The following BMP7 variants were observed in gnomAD, a reference collection of about 807,000 sequenced individuals.
BMP7 encodes bone morphogenetic protein 7.
In BMP7, 12 loss-of-function variants were observed where a neutral mutation model predicts 41.2. The ratio of observed to expected loss-of-function variants is 0.29; its 90% CI spans 0.19 to 0.47. BMP7 has a LOEUF of 0.47. Ranked by LOEUF, BMP7 falls within the 20% of genes least tolerant of loss-of-function variation. The probability of loss-of-function intolerance (pLI) is 0.99; values close to 1 mark genes in which losing one functional copy is unlikely to be tolerated. For missense variants in BMP7, 467 were observed against 606.0 expected (o/e 0.77, Z 2.41); for synonymous variants, 248 against 250.0 (o/e 0.99, Z 0.07).
chr20:57,171,231 A>G lies in BMP7; in HGVS notation c.1147-123T>C. 7.2e-7 allele frequency: 1 copy of G among 1,380,866 alleles called. No homozygotes were observed. The highest frequency in any genetic ancestry group is 1.0e-6 in the Non-Finnish European group (1 of 988,350). The allele number at this position is 1,380,866 out of a possible 1,614,324, so 85.5% of individuals were successfully genotyped here. A position where few individuals can be genotyped will look rare whatever the true frequency, so the allele number is the denominator to read the frequency against. On this transcript the variant is annotated intron_variant, in intron 6 of 6. Transcript: ENST00000395863. The surrounding 1 kb of genome is among the most constrained non-coding windows in gnomAD (Gnocchi z 4.5). ...TGAATGACTGCAGGTGACACTCCCCAAGCCAAGCACTCCCTGTTCTAAGCA... is the reference window on the plus strand; with the variant it reads ...TGAATGACTGCAGGTGACACTCCCCGAGCCAAGCACTCCCTGTTCTAAGCA...
At chr20:57,210,209 G>A (rs975481137) in intron 2 of BMP7, among the ~76,000 whole-genome samples, 19 of 152,334 alleles carry the variant, frequency 1.2e-4, no homozygotes, top group East Asian at 3.9e-4. Context: ...ACTAAGAGGC[G>A]TTAATATTTA....
chr20:57,171,167 C>T lies in BMP7; in HGVS notation c.1147-59G>A. ...GAAGCGGTGAGTCGTTCTAACTGGC[C>T]TCCACGTTTCTATAAAGAAACATCC... On this transcript the variant is annotated intron_variant, in intron 6 of 6. Transcript: ENST00000395863. This position sits in a 1 kb window ranked among gnomAD's most constrained non-coding sequence, Gnocchi z 4.5. 1 of 1,608,224 alleles carries T rather than the reference C, an allele frequency of 6.2e-7. No individual in the cohort carries two copies. Among genetic ancestry groups the T allele is most frequent in the Non-Finnish European group, 8.5e-7 (1 of 1,175,314 alleles).
At chr20:57,254,864 G>C (rs2066128336) in intron 1 of BMP7, among the ~76,000 whole-genome samples, 1 of 152,122 alleles carries the variant, frequency 6.6e-6, no homozygotes. Context: ...ACAGCATCTT[G>C]AGGAATTGCT....
At chr20:57,190,126 GAT>G (rs1984315327) in intron 3 of BMP7, among the ~76,000 whole-genome samples, 2 of 152,232 alleles carry the variant, frequency 1.3e-5, no homozygotes, top group African/African-American at 4.8e-5. Flanking sequence ...TGAGACTGGA[GAT>G]AGTGAGCGAG....
chr20:57,250,919 T>C (rs1473325482), intron 1 of BMP7, among the ~76,000 whole-genome samples: 2 of 152,210 alleles, frequency 1.3e-5, no homozygotes, highest in African/African-American at 2.4e-5. Context: ...CCATTTCAGC[T>C]GAGGTATCAT....
intron 2 of BMP7, among the ~76,000 whole-genome samples, chr20:57,216,490 G>T (rs140221651): frequency 0.011 from 1,582 of 149,936 alleles, 25 homozygotes; most frequent in African/African-American, 0.037. Context: ...GGACGAGGGC[G>T]CTGTCTCCTG....
chr20:57,204,481 A>G lies in BMP7; in HGVS notation c.612-1858T>C, dbSNP rs372366258. On this transcript the variant is annotated intron_variant, in intron 2 of 6. Transcript: ENST00000395863. ...TTAGCAAGTATTGGGAGATTAACAG[A>G]CCCGGAGAAGCCTACACAGGGAAGA... 5.3e-5 allele frequency among the ~76,000 whole-genome samples: 8 copies of G among 152,360 alleles called. No individual in the cohort carries two copies. In the East Asian group the frequency reaches 1.2e-3, roughly 22 times the overall value.
chr20:57,174,781 C>A lies in BMP7; in HGVS notation c.1035+150G>T. On this transcript the variant is annotated intron_variant, in intron 5 of 6. Coordinates refer to ENST00000395863, the MANE Select transcript of BMP7 (RefSeq NM_001719.3). The surrounding 1 kb of genome is among the most constrained non-coding windows in gnomAD (Gnocchi z 4.3). ...GGATTTCATGAGGCCTCCCTGTATC[C>A]TTAGCCCAAGTCCCCTTCCCTAGCG... 1 of 859,878 alleles carries A rather than the reference C, an allele frequency of 1.2e-6. No individual in the cohort carries two copies. The highest frequency in any genetic ancestry group is 1.9e-6 in the Non-Finnish European group (1 of 533,226). 53.3% of individuals were successfully genotyped at this position (859,878 alleles called of 1,614,324 possible).
In BMP7 at chr20:57,207,665, G is replaced by C. The variant is rs368443533; in HGVS notation, c.612-5042C>G. ...TTGTTGACAAGGTGGAAATATGATA[G>C]GAAGGTGCTAAGAAACAGAATTTGT... On this transcript the variant is annotated intron_variant, in intron 2 of 6. Coordinates refer to ENST00000395863, the MANE Select transcript of BMP7 (RefSeq NM_001719.3). Among the ~76,000 whole-genome samples, 31 of 152,308 alleles carry C rather than the reference G, an allele frequency of 2.0e-4. No individual in the cohort carries two copies. In the East Asian group the frequency reaches 4.4e-3, roughly 22 times the overall value.
At chr20:57,202,650 C>T (rs1377163883) in intron 2 of BMP7, 27 bp from the exon 3 acceptor site, 42 of 1,455,368 alleles carry the variant, frequency 2.9e-5, no homozygotes, top group Non-Finnish European at 3.7e-5. Flanking sequence ...GAGACACGGG[C>T]TTCGCGTTAG....
chr20:57,256,592 G>C (rs532932955), intron 1 of BMP7, among the ~76,000 whole-genome samples: 2 of 152,350 alleles, frequency 1.3e-5, no homozygotes, highest in Admixed American at 1.3e-4. Context: ...TTGTGGCTGG[G>C]CAAGGTGGCT....
At chr20:57,183,261 A>G (rs6123673) in intron 4 of BMP7, among the ~76,000 whole-genome samples, 121,864 of 151,678 alleles carry the variant, frequency 0.8, 52,622 homozygotes, top group Non-Finnish European at 0.95. Context: ...GTGTGTGTGT[A>G]TATATATATA....
chr20:57,190,698 G>A (rs539489322), intron 3 of BMP7, among the ~76,000 whole-genome samples: 197 of 152,216 alleles, frequency 1.3e-3, no homozygotes, highest in Middle Eastern at 3.4e-3. Context: ...CCTCCTCCAG[G>A]CCCCACCACG....
At chr20:57,181,130 T>C (rs1268994120) in intron 4 of BMP7, among the ~76,000 whole-genome samples, 1 of 152,138 alleles carries the variant, frequency 6.6e-6, no homozygotes. Context: ...TGCCTTGTGA[T>C]CAACCTGGAG....
chr20:57,231,115 T>C (rs527897197), intron 1 of BMP7, among the ~76,000 whole-genome samples: 1 of 152,356 alleles, frequency 6.6e-6, no homozygotes, highest in African/African-American at 2.4e-5. Context: ...CTTCTCAAAC[T>C]ATAGGTTAGC....
chr20:57,226,927 A>G (rs1312446515), intron 2 of BMP7, among the ~76,000 whole-genome samples: 1 of 151,328 alleles, frequency 6.6e-6, no homozygotes, highest in Non-Finnish European at 1.5e-5. Context: ...CCTGGGTTCA[A>G]GCAATTCTCC....
chr20:57,197,395 A>C (rs1001908095), intron 3 of BMP7, among the ~76,000 whole-genome samples: 8 of 151,666 alleles, frequency 5.3e-5, no homozygotes, highest in Admixed American at 2.0e-4. Flanking sequence ...TGGGGTCTCT[A>C]CCTCCGGATG....
intron 4 of BMP7, among the ~76,000 whole-genome samples, chr20:57,181,168 C>T (rs1202136866): frequency 6.6e-6 from 1 of 152,148 alleles, no homozygotes; most frequent in Non-Finnish European, 1.5e-5. Context: ...CCTGAGCCGG[C>T]CCCCAGATGG....
intron 1 of BMP7, among the ~76,000 whole-genome samples, chr20:57,238,013 C>T (rs968189550): frequency 3.9e-5 from 6 of 152,210 alleles, no homozygotes; most frequent in African/African-American, 1.2e-4. Flanking sequence ...ACAGTTCAGT[C>T]ATTTTAAACA....
Sources: gnomAD v4.1 joint callset for allele counts (sites outside exome capture counted in the v4.1 genomes callset) on GRCh38, gnomAD v4.1.1 for gene constraint, Gnocchi (gnomAD v3.1) non-coding constraint, MANE v1.5 for transcripts, NCBI Gene and HGNC (gene_info 2026-07-23, HGNC 2026-07-21) for gene names.